SMG1: variants seen among roughly 807,000 people sequenced by gnomAD.
SMG1 encodes the protein SMG1 nonsense mediated mRNA decay associated PI3K related kinase, also known as serine/threonine-protein kinase SMG1.
A neutral mutation model predicts 419.9 loss-of-function variants in SMG1; 22 were observed. The observed-to-expected ratio is 0.05, with a 90% CI of 0.04 to 0.07. SMG1 has a LOEUF of 0.07. Among genes scored for constraint, SMG1 ranks in the 10% least tolerant of loss-of-function variants. SMG1 has a pLI of 1.00. For missense variants in SMG1, 3,185 were observed against 4,342.0 expected (o/e 0.73, Z 7.49); for synonymous variants, 1,538 against 1,553.5 (o/e 0.99, Z 0.23).
At chr16:18,850,965 G>C (rs1382502995) in intron 33 of SMG1, among the ~76,000 whole-genome samples, 1 of 152,140 alleles carries the variant, frequency 6.6e-6, no homozygotes, top group Non-Finnish European at 1.5e-5. Context: ...ATGTTGGCCA[G>C]GCTTGTCTCA....
intron 1 of SMG1, chr16:18,900,155 C>T: frequency 1.6e-6 from 1 of 614,728 alleles, no homozygotes; most frequent in Non-Finnish European, 2.9e-6. Flanking sequence ...GAACTATGGT[C>T]CCATTAGGGT....
rs2038406229 is a variant in SMG1, at chr16:18,926,239, G to T, written c.-198C>A. The T allele has an allele frequency of 7.2e-6, 4 of 556,368 alleles. No individual in the cohort carries two copies. In the South Asian group the frequency reaches 8.9e-5, roughly 12 times the overall value. 34.5% of individuals were successfully genotyped at this position (556,368 alleles called of 1,614,324 possible). On this transcript the variant is annotated 5_prime_UTR_variant, in exon 1 of 63. Transcript: ENST00000446231. ...GACGGCCGTTCCGGGTTCCGCCTGA[G>T]CCCGCAGCGCAGGACGAGGAGGCGG...
chr16:18,846,076 A>C (rs2034247852), intron 38 of SMG1, among the ~76,000 whole-genome samples: 1 of 152,092 alleles, frequency 6.6e-6, no homozygotes, highest in Admixed American at 6.6e-5. Flanking sequence ...AGCCTCCCAA[A>C]GTGCCAGAAT....
At position 18,859,205 on chromosome 16, in the gene SMG1, A is replaced by G; in HGVS notation, c.3954-24T>C. ...TTCTGAAACAAAATATTTACTGCCA[A>G]TTAATAAAAATTACAATTCATAACC... On this transcript the variant is annotated intron_variant, in intron 27 of 62. Transcript: ENST00000446231. 2.0e-6 allele frequency: 3 copies of G among 1,514,172 alleles called. No individual in the cohort carries two copies. The South Asian group carries it at 3.6e-5, about 18-fold the overall frequency. The allele number at this position is 1,514,172 out of a possible 1,614,324, so 93.8% of individuals were successfully genotyped here. A position where few individuals can be genotyped will look rare whatever the true frequency, so the allele number is the denominator to read the frequency against.
intron 1 of SMG1, among the ~76,000 whole-genome samples, chr16:18,901,305 C>G (rs995676781): frequency 1.3e-5 from 2 of 152,174 alleles, no homozygotes; most frequent in African/African-American, 4.8e-5. Flanking sequence ...CTCACTGCAG[C>G]CTCGACCTCA....
At chr16:18,856,657 A>C (rs996472342) in intron 29 of SMG1, 3 of 152,006 alleles carry the variant, frequency 2.0e-5, no homozygotes, top group Non-Finnish European at 4.4e-5. Flanking sequence ...GTGATTTTTT[A>C]AATTCTTCTA....
chr16:18,817,345 T>C lies in SMG1; in HGVS notation c.10020A>G (p.Ala3340=), dbSNP rs766385755. 4.3e-6 allele frequency: 7 copies of C among 1,612,556 alleles called. No individual in the cohort carries two copies. Among genetic ancestry groups the C allele is most frequent in the Non-Finnish European group, 5.9e-6 (7 of 1,179,316 alleles). The change falls in exon 57 of 63, where the codon GCA becomes GCG. Residue 3340 remains alanine, a synonymous_variant. Coordinates refer to ENST00000446231, the MANE Select transcript of SMG1 (RefSeq NM_015092.5). ...CAGACACTGAACTGTTAAACTGTGA[T>C]GCAAACGAACACATCTGCTGACATC... The part of the protein sequence containing the change: ...IKRCQQMCSF[A]SQFNSSVSEL...
intron 4 of SMG1, among the ~76,000 whole-genome samples, chr16:18,891,998 T>C (rs181736247): frequency 3.3e-5 from 5 of 152,250 alleles, no homozygotes; most frequent in African/African-American, 7.2e-5. Context: ...ATCCAGGAGT[T>C]TGAGACTGCA....
intron 10 of SMG1, among the ~76,000 whole-genome samples, chr16:18,880,769 C>T (rs1390856304): frequency 6.7e-6 from 1 of 148,966 alleles, no homozygotes; most frequent in African/African-American, 2.5e-5. Context: ...CACAGTGGCT[C>T]ATGTCTATAA....
At chr16:18,853,225 T>C (rs1454239206) in intron 31 of SMG1, among the ~76,000 whole-genome samples, 2 of 152,212 alleles carry the variant, frequency 1.3e-5, no homozygotes, top group African/African-American at 4.8e-5. Flanking sequence ...AATGGGAAAC[T>C]TGAATCTTTA....
chr16:18,889,880 A>G (rs2036801946), intron 5 of SMG1, among the ~76,000 whole-genome samples: 1 of 152,246 alleles, frequency 6.6e-6, no homozygotes. Context: ...TAACTCTCAG[A>G]AAAGGGCAGC....
chr16:18,836,196 C>T lies in SMG1; in HGVS notation c.7794G>A (p.Val2598=). The part of the protein sequence containing the change: ...TQMDLGPPSY[V]PATAFLQNAG... Reference sequence around the variant, plus strand: ...CATTCTGCAGAAAGGCTGTTGCTGGCACGTAACTTGGAGGACCTTTTGGTA... The same window carrying T: ...CATTCTGCAGAAAGGCTGTTGCTGGTACGTAACTTGGAGGACCTTTTGGTA... Residue 2598 remains valine, a synonymous_variant, in exon 48 of 63, where the codon GTG becomes GTA. Coordinates refer to ENST00000446231, the MANE Select transcript of SMG1 (RefSeq NM_015092.5). 6.2e-7 allele frequency: 1 copy of T among 1,611,842 alleles called. No individual in the cohort carries two copies. Among genetic ancestry groups the T allele is most frequent in the Non-Finnish European group, 8.5e-7 (1 of 1,178,762 alleles).
chr16:18,863,466 A>G (rs1012885535), intron 25 of SMG1, among the ~76,000 whole-genome samples, 184 bp downstream of exon 25: 8 of 152,344 alleles, frequency 5.3e-5, no homozygotes, highest in East Asian at 1.9e-4. Flanking sequence ...GTGTTTTCCC[A>G]TTACACAAAT....
In SMG1 at chr16:18,808,351, C is replaced by T. The variant is rs567945642; in HGVS notation, c.*1218G>A. The T allele has an allele frequency of 1.5e-4, 23 of 151,994 alleles. No homozygotes were observed. In the South Asian group the frequency reaches 4.6e-3, roughly 30 times the overall value. 9.4% of individuals were successfully genotyped at this position (151,994 alleles called of 1,614,324 possible). A position where few individuals can be genotyped will look rare whatever the true frequency, so the allele number is the denominator to read the frequency against. On this transcript the variant is annotated 3_prime_UTR_variant, in exon 63 of 63. Coordinates refer to ENST00000446231, the MANE Select transcript of SMG1 (RefSeq NM_015092.5). ...GTTTCATGTACATGTCCTAAAATGC[C>T]AAGTAAATTAAACAACTTTTAATTT...
At chr16:18,923,316 A>G (rs1181060894) in intron 1 of SMG1, among the ~76,000 whole-genome samples, 1 of 152,190 alleles carries the variant, frequency 6.6e-6, no homozygotes, top group East Asian at 1.9e-4. Context: ...CTGGCAAACT[A>G]ACACTAAAAG....
intron 1 of SMG1, among the ~76,000 whole-genome samples, chr16:18,899,652 A>G (rs1399682083): frequency 2.0e-5 from 3 of 152,232 alleles, no homozygotes; most frequent in Non-Finnish European, 4.4e-5. Flanking sequence ...AAGAACGGAA[A>G]TGAGCACTTA....
intron 1 of SMG1, among the ~76,000 whole-genome samples, chr16:18,910,363 T>TGGG (rs1567456729): frequency 1.3e-5 from 2 of 151,832 alleles, no homozygotes; most frequent in East Asian, 3.9e-4. Context: ...CCCAAATAGC[T>TGGG]GGGATTACAG....
intron 23 of SMG1, among the ~76,000 whole-genome samples, chr16:18,865,969 G>A (rs1428279247): frequency 2.0e-5 from 3 of 151,914 alleles, no homozygotes; most frequent in Non-Finnish European, 4.4e-5. Flanking sequence ...GCCTAACATG[G>A]CAAATTTTTT....
Position 18,853,702 on chromosome 16 carries a change from T to C in SMG1, c.4649A>G (p.Gln1550Arg), listed in dbSNP as rs753982965. The change falls in exon 31 of 63, where the codon CAG becomes CGG. Residue 1550 changes from glutamine (Q) to arginine (R), a missense_variant. This residue lies in a region of SMG1 where 493 missense variants were observed against 552.9 expected (regional missense o/e 0.89). Transcript: ENST00000446231. ...SGQLKQVYRAQHQQNFTGLST... is the reference protein window; with the variant it reads ...SGQLKQVYRARHQQNFTGLST... ...AAGACCTGTGAAGTTCTGTTGGTGC[T>C]GAGCTCTGTAAACCTGTTTCAGCTG... The C allele has an allele frequency of 5.6e-6, 9 of 1,613,922 alleles. No individual in the cohort carries two copies. The highest frequency in any genetic ancestry group is 7.6e-6 in the Non-Finnish European group (9 of 1,179,844).
Sources: allele counts gnomAD v4.1 joint callset (sites outside exome capture counted in the v4.1 genomes callset), GRCh38; gene constraint gnomAD v4.1.1; regional missense constraint gnomAD v4.1.1; transcripts MANE v1.5; gene names NCBI Gene and HGNC (gene_info 2026-07-23, HGNC 2026-07-21).